Variants in AQP1 observed in about 807,000 individuals in gnomAD.
AQP1 encodes the protein aquaporin 1 (Colton blood group).
A neutral mutation model predicts 19.7 loss-of-function variants in AQP1; 11 were observed. That is an observed-to-expected ratio of 0.56 (90% CI 0.35 to 0.92). AQP1 has a LOEUF of 0.92. Ranked by LOEUF, AQP1 falls within the 40% of genes least tolerant of loss-of-function variation. The pLI is 0.01. For missense variants in AQP1, 320 were observed against 369.7 expected (o/e 0.87, Z 1.10); for synonymous variants, 159 against 166.7 (o/e 0.95, Z 0.36).
At chr7:30,922,420 T>A in intron 2 of AQP1, 144 bp from the exon 3 acceptor site, 2 of 1,275,680 alleles carry the variant, frequency 1.6e-6, no homozygotes, top group Non-Finnish European at 2.3e-6. Context: ...CTGCCCAGCT[T>A]GGGGTCAGCA....
chr7:30,915,331 G>A (rs1480734336), intron 1 of AQP1, among the ~76,000 whole-genome samples: 2 of 151,862 alleles, frequency 1.3e-5, no homozygotes, highest in Non-Finnish European at 2.9e-5. Flanking sequence ...TATGAAGCAG[G>A]AGGCAGATGC....
intron 1 of AQP1, among the ~76,000 whole-genome samples, chr7:30,918,903 A>G (rs558509699): frequency 6.6e-6 from 1 of 152,278 alleles, no homozygotes; most frequent in East Asian, 1.9e-4. Context: ...GGTGGCACAG[A>G]CTATGGGGCA....
At chr7:30,917,608 A>G (rs1044437589) in intron 1 of AQP1, among the ~76,000 whole-genome samples, 2 of 152,092 alleles carry the variant, frequency 1.3e-5, no homozygotes, top group Non-Finnish European at 2.9e-5. Flanking sequence ...ACCAGTGCAA[A>G]CACACAGCAC....
chr7:30,922,298 A>T, intron 2 of AQP1, 68 bp downstream of exon 2: 2 of 1,519,058 alleles, frequency 1.3e-6, no homozygotes, highest in East Asian at 2.4e-5. Context: ...GTGCCCTGCC[A>T]TGGGCAGCCA....
At chr7:30,921,559 G>A (rs1160279333) in intron 1 of AQP1, 18 of 1,542,628 alleles carry the variant, frequency 1.2e-5, no homozygotes, top group South Asian at 8.4e-5. Context: ...GGACCTCACC[G>A]AAGGCCTCCT....
Position 30,923,989 on chromosome 7 carries a change from G to A in AQP1, c.*360G>A, listed in dbSNP as rs953296731. The stretch of plus-strand genomic sequence containing the variant: ...GTTGCTCACCGACTCACCTGCGCAA[G>A]TGCCTGGGATTCTACCGTAATTGCT... On this transcript the variant is annotated 3_prime_UTR_variant, in exon 4 of 4. Transcript: ENST00000311813. This position sits in a 1 kb window ranked among gnomAD's most constrained non-coding sequence, Gnocchi z 4.8. 3.4e-5 allele frequency: 47 copies of A among 1,378,108 alleles called. No individual in the cohort carries two copies. Among genetic ancestry groups the A allele is most frequent in the Non-Finnish European group, 4.2e-5 (44 of 1,040,240 alleles). 85.4% of individuals were successfully genotyped at this position (1,378,108 alleles called of 1,614,324 possible).
intron 1 of AQP1, among the ~76,000 whole-genome samples, chr7:30,913,116 G>A (rs1791212481): frequency 6.6e-6 from 1 of 152,058 alleles, no homozygotes; most frequent in Non-Finnish European, 1.5e-5. Flanking sequence ...TTTGCAACAC[G>A]TGCCCATGGC....
Position 30,922,195 on chromosome 7 carries a change from A to T in AQP1, c.514A>T (p.Ile172Phe). The stretch of plus-strand genomic sequence containing the variant: ...CCTTGGTGGCTCAGCCCCCCTTGCC[A>T]TCGGCCTCTCTGTAGCCCTTGGACA... ...RDLGGSAPLA[I>F]GLSVALGHLL... The change falls in exon 2 of 4, where the codon ATC becomes TTC. Residue 172 changes from isoleucine to phenylalanine, a missense_variant. Transcript: ENST00000311813. The T allele has an allele frequency of 6.2e-7, 1 of 1,611,136 alleles. No homozygotes were observed. Among genetic ancestry groups the T allele is most frequent in the Non-Finnish European group, 8.5e-7 (1 of 1,179,890 alleles).
At position 30,918,809 on chromosome 7, in the gene AQP1, T is replaced by G. The variant is rs568155169; in HGVS notation, c.385-3257T>G. Among the ~76,000 whole-genome samples, 22 of 152,344 alleles carry G rather than the reference T, an allele frequency of 1.4e-4. No homozygotes were observed. The East Asian group carries it at 4.1e-3, about 28-fold the overall frequency. On this transcript the variant is annotated intron_variant, in intron 1 of 3. Transcript: ENST00000311813. ...CACTGGCAGCCACAGAACCACCTTC[T>G]GCCAGCTCCCAAGTCCAAGCTGGGA...
chr7:30,912,976 G>GTGTGCA lies in AQP1; in HGVS notation c.384+689_384+694dup, dbSNP rs891429563. 6.6e-6 allele frequency among the ~76,000 whole-genome samples: 1 copy of GTGTGCA among 152,048 alleles called. No homozygotes were observed. Among genetic ancestry groups the GTGTGCA allele is most frequent in the East Asian group, 1.9e-4 (1 of 5,168 alleles). On this transcript the variant is annotated intron_variant, in intron 1 of 3. Coordinates refer to ENST00000311813, the MANE Select transcript of AQP1 (RefSeq NM_198098.4). The surrounding 1 kb of genome is among the most constrained non-coding windows in gnomAD (Gnocchi z 4.3). The stretch of plus-strand genomic sequence containing the variant: ...CTAGGCACTGAGAGGTGTGGCGTGT[G>GTGTGCA]TGTGCATGTGCGTGTGCGTGTGTGT...
chr7:30,923,658 G>T lies in AQP1; in HGVS notation c.*29G>T. 6.3e-7 allele frequency: 1 copy of T among 1,576,442 alleles called. No individual in the cohort carries two copies. Among genetic ancestry groups the T allele is most frequent in the Non-Finnish European group, 8.6e-7 (1 of 1,162,386 alleles). On this transcript the variant is annotated 3_prime_UTR_variant, in exon 4 of 4. Transcript: ENST00000311813. This position sits in a 1 kb window ranked among gnomAD's most constrained non-coding sequence, Gnocchi z 4.8. ...GGGTCTGGCCCGGGCATCCACGTAG[G>T]GGGCAGGGGCAGGGGCGGGCGGAGG...
chr7:30,923,446 C>A lies in AQP1; in HGVS notation c.631-4C>A. On this transcript the variant is annotated splice_polypyrimidine_tract_variant and splice_region_variant and intron_variant, in intron 3 of 3. Coordinates refer to ENST00000311813, the MANE Select transcript of AQP1 (RefSeq NM_198098.4). This position sits in a 1 kb window ranked among gnomAD's most constrained non-coding sequence, Gnocchi z 4.8. ...CCCTCTGAACACACCTGCTCTGTTC[C>A]TAGATTTTCTGGGTGGGGCCATTCA... 1 of 1,613,884 alleles carries A rather than the reference C, an allele frequency of 6.2e-7. No individual in the cohort carries two copies.
chr7:30,912,266 G>C lies in AQP1; in HGVS notation c.357G>C (p.Leu119=). 3 of 1,604,756 alleles carry C rather than the reference G, an allele frequency of 1.9e-6. No individual in the cohort carries two copies. The highest frequency in any genetic ancestry group is 2.5e-6 in the Non-Finnish European group (3 of 1,179,620). ...TAILSGITSS[L]TGNSLGRNDL... ...TCCTCTCAGGCATCACCTCCTCCCT[G>C]ACTGGGAACTCGCTTGGCCGCAATG... Residue 119 remains leucine (L), a synonymous_variant, in exon 1 of 4, where the codon CTG becomes CTC. Transcript: ENST00000311813. This position sits in a 1 kb window ranked among gnomAD's most constrained non-coding sequence, Gnocchi z 4.3.
At chr7:30,915,909 G>A (rs1025074468) in intron 1 of AQP1, among the ~76,000 whole-genome samples, 8 of 152,180 alleles carry the variant, frequency 5.3e-5, no homozygotes, top group African/African-American at 1.9e-4. Flanking sequence ...GAGTTTCCAT[G>A]TCCCTGCCCA....
chr7:30,916,998 T>C (rs1302865073), intron 1 of AQP1, among the ~76,000 whole-genome samples: 1 of 152,186 alleles, frequency 6.6e-6, no homozygotes, highest in African/African-American at 2.4e-5. Context: ...GATCCTGTGC[T>C]TAGGTTTCTG....
At chr7:30,922,037 C>G in intron 1 of AQP1, 29 bp from the exon 2 acceptor site, 1 of 1,613,000 alleles carries the variant, frequency 6.2e-7, no homozygotes, top group African/African-American at 1.3e-5. Flanking sequence ...ACCCTCCTCA[C>G]CAGTCCTCAC....
In AQP1 at chr7:30,912,338, T is replaced by C. The variant is rs780819713; in HGVS notation, c.384+45T>C. The stretch of plus-strand genomic sequence containing the variant: ...GCTTGGGGGGGTTCTAGAATGATGC[T>C]GAAAGGCACTGGTTCCATCCTCTGC... On this transcript the variant is annotated intron_variant, in intron 1 of 3. Coordinates refer to ENST00000311813, the MANE Select transcript of AQP1 (RefSeq NM_198098.4). The surrounding 1 kb of genome is among the most constrained non-coding windows in gnomAD (Gnocchi z 4.3). 1 of 1,585,982 alleles carries C rather than the reference T, an allele frequency of 6.3e-7. No individual in the cohort carries two copies. The highest frequency in any genetic ancestry group is 1.1e-5 in the South Asian group (1 of 89,342).
intron 1 of AQP1, among the ~76,000 whole-genome samples, chr7:30,915,747 C>T (rs1791330108): frequency 6.6e-6 from 1 of 152,216 alleles, no homozygotes; most frequent in African/African-American, 2.4e-5. Flanking sequence ...CATCAGGGGC[C>T]TGACTGAAGC....
intron 1 of AQP1, chr7:30,921,602 G>A (rs1791501125): frequency 6.5e-7 from 1 of 1,550,378 alleles, no homozygotes; most frequent in Non-Finnish European, 8.7e-7. Flanking sequence ...TCGGGCATGG[G>A]GTGGAATGTT....
Sources: allele counts gnomAD v4.1 joint callset (sites outside exome capture counted in the v4.1 genomes callset), GRCh38; gene constraint gnomAD v4.1.1; non-coding constraint Gnocchi (gnomAD v3.1); transcripts MANE v1.5; gene names NCBI Gene and HGNC (gene_info 2026-07-23, HGNC 2026-07-21).